Variants in SLC8B1 observed in about 807,000 individuals in gnomAD.
SLC8B1 encodes solute carrier family 8 member B1, also known as mitochondrial sodium/calcium exchanger protein.
In SLC8B1, 52 loss-of-function variants were observed where a neutral mutation model predicts 63.4. The observed-to-expected ratio is 0.82, with a 90% CI of 0.66 to 1.03. SLC8B1 has a LOEUF of 1.03. Ranked by LOEUF, SLC8B1 falls within the 50% of genes least tolerant of loss-of-function variation. The probability of loss-of-function intolerance (pLI) is 0.00; values close to 1 mark genes in which losing one functional copy is unlikely to be tolerated. For synonymous variants in SLC8B1, 336 were observed against 323.9 expected, an observed-to-expected ratio of 1.04 and a Z score of -0.40; for missense variants, 657 against 741.7, an observed-to-expected ratio of 0.89 and a Z score of 1.33.
chr12:113,319,213 T>G (rs1956886111), intron 7 of SLC8B1, 142 bp from the exon 8 acceptor site: 4 of 637,204 alleles, frequency 6.3e-6, no homozygotes, highest in South Asian at 1.8e-5. Flanking sequence ...AATGGCCTTT[T>G]CCTTGAGCTC....
chr12:113,299,996 G>A (rs745408478), intron 15 of SLC8B1, 22 bp from the exon 16 acceptor site: 19 of 1,607,394 alleles, frequency 1.2e-5, no homozygotes, highest in Non-Finnish European at 1.4e-5. Context: ...TGAGGGGAGA[G>A]AGGCTGAGTC....
In SLC8B1 at chr12:113,316,741, C is replaced by A; in HGVS notation, c.863-85G>T. ...TTCCCCGCTCCATCCCACCAGTCCT[C>A]CCAGCCCTAAAGGAGGAGACAAAGC... On this transcript the variant is annotated intron_variant, in intron 9 of 15. Transcript: ENST00000680972. 7.0e-6 allele frequency: 11 copies of A among 1,573,402 alleles called. No individual in the cohort carries two copies. In the South Asian group the frequency reaches 9.4e-5, roughly 14 times the overall value.
intron 11 of SLC8B1, among the ~76,000 whole-genome samples, chr12:113,314,118 G>A (rs1047502860): frequency 4.6e-5 from 7 of 152,250 alleles, no homozygotes; most frequent in Non-Finnish European, 7.3e-5. Flanking sequence ...TCCCCGCTCC[G>A]TAGAGAATGG....
intron 8 of SLC8B1, among the ~76,000 whole-genome samples, chr12:113,317,929 T>C (rs1956857973): frequency 1.3e-5 from 2 of 152,088 alleles, no homozygotes; most frequent in Admixed American, 6.6e-5. Context: ...GTATGTTGCA[T>C]GTGTGTGCAT....
At chr12:113,315,526 C>T in intron 10 of SLC8B1, 50 bp from the exon 11 acceptor site, 1 of 1,489,670 alleles carries the variant, frequency 6.7e-7, no homozygotes, top group Non-Finnish European at 9.0e-7. Context: ...GTCTGAATCC[C>T]AGCCGGCCAC....
intron 11 of SLC8B1, among the ~76,000 whole-genome samples, chr12:113,311,367 T>C (rs1292979506): frequency 6.6e-6 from 1 of 152,100 alleles, no homozygotes; most frequent in Non-Finnish European, 1.5e-5. Flanking sequence ...GGAGAATCAC[T>C]TGAACTCAGG....
intron 2 of SLC8B1, among the ~76,000 whole-genome samples, chr12:113,326,432 AT>A (rs1413624838): frequency 6.6e-6 from 1 of 152,010 alleles, no homozygotes; most frequent in African/African-American, 2.4e-5. Flanking sequence ...CAGTGGTGAG[AT>A]CTCAGCTCAC....
Position 113,315,456 on chromosome 12 carries a change from C to A in SLC8B1, c.1014G>T (p.Leu338=). The part of the protein sequence containing the change: ...KVFKLPVEFL[L]LLTVPVVDPD... ...GGTCCACGACGGGGACTGTGAGGAG[C>A]AGCAGGAACTCCACAGGCAGCTGTC... The change falls in exon 11 of 16, where the codon CTG becomes CTT. Residue 338 remains leucine (L), a synonymous_variant. Coordinates refer to ENST00000680972, the MANE Select transcript of SLC8B1 (RefSeq NM_001358345.2). The A allele has an allele frequency of 1.2e-6, 2 of 1,600,640 alleles. No homozygotes were observed. Among genetic ancestry groups the A allele is most frequent in the African/African-American group, 1.3e-5 (1 of 74,802 alleles).
chr12:113,334,071 C>T (rs917757862), intron 1 of SLC8B1, among the ~76,000 whole-genome samples: 1 of 152,172 alleles, frequency 6.6e-6, no homozygotes, highest in Non-Finnish European at 1.5e-5. Flanking sequence ...ACAGCCCCTC[C>T]GACAGGGAAC....
chr12:113,319,073 T>C lies in SLC8B1; in HGVS notation c.695-2A>G, dbSNP rs766774378. On this transcript the variant is annotated splice_acceptor_variant, in intron 7 of 15. Coordinates refer to ENST00000680972, the MANE Select transcript of SLC8B1 (RefSeq NM_001358345.2). LOFTEE classifies it high-confidence loss of function. ...AGAACACATACAAGCCCAGGTAACC[T>C]GCAGACGGGGTGCACGCCGTCACCA... 1 of 1,612,860 alleles carries C rather than the reference T, an allele frequency of 6.2e-7. No homozygotes were observed. Among genetic ancestry groups the C allele is most frequent in the Admixed American group, 1.7e-5 (1 of 60,006 alleles).
intron 15 of SLC8B1, 71 bp downstream of exon 15, chr12:113,304,250 G>T: frequency 6.9e-7 from 1 of 1,450,210 alleles, no homozygotes. Context: ...CAAAGCCAGG[G>T]CCTTCCTGCC....
At position 113,299,583 on chromosome 12, in the gene SLC8B1, G is replaced by A. The variant is rs1051127296; in HGVS notation, c.*194C>T. On this transcript the variant is annotated 3_prime_UTR_variant, in exon 16 of 16. Coordinates refer to ENST00000680972, the MANE Select transcript of SLC8B1 (RefSeq NM_001358345.2). ...AGGTTTCCAAGGTCCCCACGGCAAG[G>A]CTGTTGGGTGCTGGCAGCAAGAGGT... 6.6e-6 allele frequency: 4 copies of A among 604,366 alleles called. No homozygotes were observed. Among genetic ancestry groups the A allele is most frequent in the Non-Finnish European group, 1.2e-5 (4 of 339,724 alleles). 37.4% of individuals were successfully genotyped at this position (604,366 alleles called of 1,614,324 possible).
chr12:113,329,392 G>A (rs1957032186), intron 2 of SLC8B1, among the ~76,000 whole-genome samples: 1 of 152,166 alleles, frequency 6.6e-6, no homozygotes, highest in Non-Finnish European at 1.5e-5. Flanking sequence ...CTATCTTCCT[G>A]CCCTCCCTCC....
chr12:113,334,072 G>A (rs949528128), intron 1 of SLC8B1, among the ~76,000 whole-genome samples: 2 of 152,162 alleles, frequency 1.3e-5, no homozygotes, highest in Non-Finnish European at 1.5e-5. Flanking sequence ...CAGCCCCTCC[G>A]ACAGGGAACT....
chr12:113,307,110 CAAAAAAAAAAAAAAAAAAAAAAAAAAAAA>C (rs67032040), intron 13 of SLC8B1, among the ~76,000 whole-genome samples: 4 of 18,172 alleles, frequency 2.2e-4, no homozygotes, highest in African/African-American at 4.9e-4. Context: ...GCCTCCATCT[CAAAAAAAAAAAAAAAAAAAAAAAAAAAAA>C]AAAAAAAAAA....
At chr12:113,327,007 C>T (rs1473055694) in intron 2 of SLC8B1, among the ~76,000 whole-genome samples, 1 of 152,162 alleles carries the variant, frequency 6.6e-6, no homozygotes. Context: ...CAGCTCCCAC[C>T]CAAAAGCAAC....
rs1357135773 is a variant in SLC8B1 at position 113,305,433 on chromosome 12, G to A, written c.1493-1048C>T. ...GAGAGCGGCCCTTCAGGCACTTTGT[G>A]ATCATCTTTCTTTCTTTAGCAGCCA... On this transcript the variant is annotated intron_variant, in intron 14 of 15. Transcript: ENST00000680972. The surrounding 1 kb of genome is among the most constrained non-coding windows in gnomAD (Gnocchi z 4.3). 1.3e-5 allele frequency among the ~76,000 whole-genome samples: 2 copies of A among 152,248 alleles called. No individual in the cohort carries two copies. The highest frequency in any genetic ancestry group is 4.8e-5 in the African/African-American group (2 of 41,468).
intron 15 of SLC8B1, among the ~76,000 whole-genome samples, chr12:113,303,391 C>T (rs1171720062): frequency 6.6e-6 from 1 of 152,106 alleles, no homozygotes. Context: ...CTGCCGAGAG[C>T]CTATTCAACA....
At chr12:113,316,376 C>T (rs1234162943) in intron 10 of SLC8B1, 150 bp downstream of exon 10, 5 of 1,076,276 alleles carry the variant, frequency 4.6e-6, no homozygotes, top group Non-Finnish European at 5.3e-6. Flanking sequence ...AAGCTCCACG[C>T]CTCAGTTTCC....
Sources: gnomAD v4.1 joint callset for allele counts (sites outside exome capture counted in the v4.1 genomes callset) on GRCh38, gnomAD v4.1.1 for gene constraint, Gnocchi (gnomAD v3.1) non-coding constraint, MANE v1.5 for transcripts, NCBI Gene and HGNC (gene_info 2026-07-23, HGNC 2026-07-21) for gene names.